Variants in VPS53 observed in about 807,000 individuals in gnomAD.
VPS53 encodes vacuolar protein sorting-associated protein 53 homolog.
A neutral mutation model predicts 107.0 loss-of-function variants in VPS53; 70 were observed. The observed-to-expected ratio is 0.65, with a 90% CI of 0.54 to 0.80. VPS53 has a LOEUF of 0.80. VPS53 is among the 30% of genes least tolerant of loss of function. The pLI is 0.00. For missense variants in VPS53, 917 were observed against 1,049.4 expected, an observed-to-expected ratio of 0.87 and a Z score of 1.74; for synonymous variants, 409 against 393.3, an observed-to-expected ratio of 1.04 and a Z score of -0.47.
At chr17:643,416 G>A (rs370803644) in intron 7 of VPS53, among the ~76,000 whole-genome samples, 15 of 142,158 alleles carry the variant, frequency 1.1e-4, no homozygotes, top group Non-Finnish European at 4.6e-5. Flanking sequence ...TACTTGGAAA[G>A]CGAGGACAAC....
At chr17:624,610 T>C (rs74365978) in intron 10 of VPS53, among the ~76,000 whole-genome samples, 15,135 of 152,242 alleles carry the variant, frequency 0.099, 826 homozygotes, top group East Asian at 0.18. Context: ...ATTCTAACAA[T>C]AGAAGCTTGG....
chr17:635,885 T>C (rs1199327362), intron 7 of VPS53, among the ~76,000 whole-genome samples: 1 of 152,210 alleles, frequency 6.6e-6, no homozygotes. Flanking sequence ...TGCGGGACCT[T>C]TTTTGGTTCC....
In VPS53 at chr17:531,773, CTTTTT is replaced by C. The variant is rs71145747; in HGVS notation, c.2085+1064_2085+1068del. Reference sequence around the variant, plus strand: ...CAGCCTCCCATCACTGGGATTTATTCTTTTTTTTTTTTTTTTTTTTTGAGATGGAG... The same window carrying C: ...CAGCCTCCCATCACTGGGATTTATTCTTTTTTTTTTTTTTTTGAGATGGAG... On this transcript the variant is annotated intron_variant, in intron 19 of 21. Transcript: ENST00000437048. 9.2e-5 allele frequency among the ~76,000 whole-genome samples: 8 copies of C among 86,676 alleles called. No homozygotes were observed. In the East Asian group the frequency reaches 1.9e-3, roughly 21 times the overall value. The allele number at this position is 86,676 out of a possible 152,430, so 56.9% of individuals were successfully genotyped here.
In VPS53 at chr17:514,794, C is replaced by T. The variant is rs1036767731; in HGVS notation, c.*4334G>A. 6.6e-6 allele frequency: 1 copy of T among 152,472 alleles called. No individual in the cohort carries two copies. Among genetic ancestry groups the T allele is most frequent in the Non-Finnish European group, 1.5e-5 (1 of 68,244 alleles). 9.4% of individuals were successfully genotyped at this position (152,472 alleles called of 1,614,324 possible). A position where few individuals can be genotyped will look rare whatever the true frequency, so the allele number is the denominator to read the frequency against. On this transcript the variant is annotated 3_prime_UTR_variant, in exon 22 of 22. Transcript: ENST00000437048. ...TTGTCTGCTCTCAGTCCTGTCTGAT[C>T]TGCACAGAGGAGCCACCCTAGACAT...
At chr17:694,690 T>A (rs1972885170) in intron 4 of VPS53, among the ~76,000 whole-genome samples, 1 of 152,208 alleles carries the variant, frequency 6.6e-6, no homozygotes, top group Non-Finnish European at 1.5e-5. Context: ...TATGATAAAA[T>A]GTTTTTGTTT....
intron 5 of VPS53, among the ~76,000 whole-genome samples, chr17:660,165 C>T (rs1971386302): frequency 6.6e-6 from 1 of 152,200 alleles, no homozygotes; most frequent in African/African-American, 2.4e-5. Context: ...GGCTGAACCC[C>T]AGCTCTACCA....
chr17:652,541 G>A (rs1408981524), intron 7 of VPS53, among the ~76,000 whole-genome samples: 2 of 152,076 alleles, frequency 1.3e-5, no homozygotes, highest in African/African-American at 4.8e-5. Context: ...AGCAGCCCGT[G>A]GAAGACAACA....
chr17:662,834 AAAGGAAGG>A (rs796580340), intron 4 of VPS53, among the ~76,000 whole-genome samples: 27,332 of 120,888 alleles, frequency 0.23, 3,186 homozygotes, highest in African/African-American at 0.31. Flanking sequence ...AAAGAGAAAG[AAAGGAAGG>A]AAGGAAGGAA....
rs113621055 is a variant in VPS53, at chr17:618,220, A to G, written c.1116+5313T>C. On this transcript the variant is annotated intron_variant, in intron 11 of 21. Coordinates refer to ENST00000437048, the MANE Select transcript of VPS53 (RefSeq NM_001128159.3). Reference sequence around the variant, plus strand: ...GCGTGCGCCACCACGCCCCACTAATATTTCCCGGGTAGCTGGGACTACAGG... The same window carrying G: ...GCGTGCGCCACCACGCCCCACTAATGTTTCCCGGGTAGCTGGGACTACAGG... Among the ~76,000 whole-genome samples the G allele has an allele frequency of 1.9e-3, 106 of 55,670 alleles. 6 individuals carry two copies. The highest frequency in any genetic ancestry group is 2.2e-3 in the East Asian group (5 of 2,292). 36.5% of individuals were successfully genotyped at this position (55,670 alleles called of 152,430 possible).
rs1391200651 is a variant in VPS53 at position 512,815 on chromosome 17, C to T, written c.*6313G>A. On this transcript the variant is annotated 3_prime_UTR_variant, in exon 22 of 22. Transcript: ENST00000437048. ...AGAGAAATCACTAAAGGACACAAGA[C>T]TTCCCAAAGAGTTTTCATGGCAAAA... 1 of 151,652 alleles carries T rather than the reference C, an allele frequency of 6.6e-6. No individual in the cohort carries two copies. The highest frequency in any genetic ancestry group is 1.5e-5 in the Non-Finnish European group (1 of 67,974). The allele number at this position is 151,652 out of a possible 1,614,324, so 9.4% of individuals were successfully genotyped here. A position where few individuals can be genotyped will look rare whatever the true frequency, so the allele number is the denominator to read the frequency against.
chr17:684,279 A>C (rs1567737539), intron 4 of VPS53, among the ~76,000 whole-genome samples: 1 of 152,214 alleles, frequency 6.6e-6, no homozygotes, highest in Non-Finnish European at 1.5e-5. Context: ...TTCATAGGTG[A>C]GATGATTATC....
intron 7 of VPS53, among the ~76,000 whole-genome samples, chr17:652,295 G>A (rs545156314): frequency 2.0e-5 from 3 of 152,172 alleles, no homozygotes; most frequent in South Asian, 2.1e-4. Flanking sequence ...ATACCCGGCC[G>A]TGGCTCACTG....
chr17:513,285 C>T lies in VPS53; in HGVS notation c.*5843G>A, dbSNP rs895040379. 1.3e-5 allele frequency: 2 copies of T among 152,208 alleles called. No individual in the cohort carries two copies. The highest frequency in any genetic ancestry group is 4.8e-5 in the African/African-American group (2 of 41,454). The allele number at this position is 152,208 out of a possible 1,614,324, so 9.4% of individuals were successfully genotyped here. On this transcript the variant is annotated 3_prime_UTR_variant, in exon 22 of 22. Coordinates refer to ENST00000437048, the MANE Select transcript of VPS53 (RefSeq NM_001128159.3). The stretch of plus-strand genomic sequence containing the variant: ...TGCTCCAACATGCAGGCAGAAATCA[C>T]TTCCAGATGGAGAAAATGAAAGCTA...
intron 15 of VPS53, among the ~76,000 whole-genome samples, chr17:555,763 T>A (rs1450452226): frequency 1.3e-5 from 2 of 152,240 alleles, no homozygotes; most frequent in Non-Finnish European, 2.9e-5. Flanking sequence ...AACATCATTA[T>A]GATGTAGTTT....
At position 633,536 on chromosome 17, in the gene VPS53, T is replaced by C. The variant is rs1174539388; in HGVS notation, c.609-1908A>G. ...TGAGATTTTTTTTCAGATGAGGGGA[T>C]AGGCATGACCCAAAACAATCTGTTT... On this transcript the variant is annotated intron_variant, in intron 7 of 21. Coordinates refer to ENST00000437048, the MANE Select transcript of VPS53 (RefSeq NM_001128159.3). Among the ~76,000 whole-genome samples, 3 of 152,174 alleles carry C rather than the reference T, an allele frequency of 2.0e-5. No homozygotes were observed. In the East Asian group the frequency reaches 5.8e-4, roughly 29 times the overall value.
intron 17 of VPS53, among the ~76,000 whole-genome samples, chr17:546,986 T>C (rs1911260224): frequency 6.6e-6 from 1 of 151,330 alleles, no homozygotes; most frequent in Admixed American, 6.6e-5. Context: ...GCCATTCTCC[T>C]GTCTCAGCCT....
At chr17:662,049 A>G (rs548804120) in intron 4 of VPS53, among the ~76,000 whole-genome samples, 154 bp from the exon 5 acceptor site, 1 of 152,282 alleles carries the variant, frequency 6.6e-6, no homozygotes, top group Non-Finnish European at 1.5e-5. Flanking sequence ...AATAGTAGAG[A>G]CCTATAGAGT....
At chr17:673,701 A>G (rs417171) in intron 4 of VPS53, 58,990 of 152,194 alleles carry the variant, frequency 0.39, 13,574 homozygotes, top group Non-Finnish European at 0.52. Flanking sequence ...AACCTGGAGT[A>G]TAAGAAGGCT....
In VPS53 at chr17:657,362, C is replaced by T. The variant is rs878895203; in HGVS notation, c.373-1409G>A. ...TATCAGTTCGGACCGTGCCATCGAT[C>T]TTAATGAACCGCTGCATGCAAATCT... On this transcript the variant is annotated intron_variant, in intron 5 of 21. Transcript: ENST00000437048. The T allele has an allele frequency of 4.4e-5, 34 of 773,390 alleles. 1 individual carries two copies. The highest frequency in any genetic ancestry group is 7.0e-5 in the Non-Finnish European group (30 of 428,506). 47.9% of individuals were successfully genotyped at this position (773,390 alleles called of 1,614,324 possible). A position where few individuals can be genotyped will look rare whatever the true frequency, so the allele number is the denominator to read the frequency against.
Sources: gnomAD v4.1 joint callset for allele counts (sites outside exome capture counted in the v4.1 genomes callset) on GRCh38, gnomAD v4.1.1 for gene constraint, MANE v1.5 for transcripts, NCBI Gene and HGNC (gene_info 2026-07-23, HGNC 2026-07-21) for gene names.